Variants in MORC1 observed in about 807,000 individuals in gnomAD.
MORC1 encodes MORC family CW-type zinc finger protein 1.
Under a neutral mutation model 134.9 loss-of-function variants are expected in MORC1, and 59 were observed. That is an observed-to-expected ratio of 0.44 (90% confidence interval 0.35 to 0.54). The LOEUF (loss-of-function observed/expected upper bound fraction) is 0.54, where lower values mean the gene tolerates loss of function less well. Ranked by LOEUF, MORC1 falls within the 20% of genes least tolerant of loss-of-function variation. The pLI is 0.00. For synonymous variants in MORC1, 395 were observed against 391.7 expected, an observed-to-expected ratio of 1.01 and a Z score of -0.10; for missense variants, 947 against 1,134.5, an observed-to-expected ratio of 0.83 and a Z score of 2.37.
chr3:109,008,413 A>T (rs919859990), intron 17 of MORC1, among the ~76,000 whole-genome samples: 3 of 150,482 alleles, frequency 2.0e-5, no homozygotes, highest in African/African-American at 7.4e-5. Context: ...GAAGAGAAAT[A>T]CATACTTACA....
At chr3:108,979,187 C>T (rs1947643902) in intron 24 of MORC1, among the ~76,000 whole-genome samples, 1 of 152,006 alleles carries the variant, frequency 6.6e-6, no homozygotes, top group Non-Finnish European at 1.5e-5. Flanking sequence ...AAAAAAAACC[C>T]AGAGTTTTTA....
chr3:109,100,390 A>G, intron 5 of MORC1, 27 bp downstream of exon 5: 2 of 1,511,210 alleles, frequency 1.3e-6, no homozygotes, highest in African/African-American at 2.8e-5. Flanking sequence ...TCAATAATAT[A>G]TGTCTTAAGG....
intron 14 of MORC1, among the ~76,000 whole-genome samples, chr3:109,050,042 G>A (rs903837978): frequency 2.0e-5 from 3 of 152,046 alleles, no homozygotes; most frequent in Non-Finnish European, 4.4e-5. Context: ...AAAAGCTTTA[G>A]GCCTATCCTC....
chr3:109,008,282 C>T (rs1301517233), intron 17 of MORC1, among the ~76,000 whole-genome samples: 1 of 152,068 alleles, frequency 6.6e-6, no homozygotes, highest in African/African-American at 2.4e-5. Context: ...CCAAAAGTGA[C>T]ATTTCTGGGT....
At chr3:109,027,479 T>C (rs999769469) in intron 17 of MORC1, among the ~76,000 whole-genome samples, 26 of 152,176 alleles carry the variant, frequency 1.7e-4, no homozygotes, top group African/African-American at 6.0e-4. Context: ...TATAAGGTTC[T>C]ATGTGCAGCT....
intron 6 of MORC1, among the ~76,000 whole-genome samples, chr3:109,095,429 T>C (rs941971215): frequency 1.3e-5 from 2 of 152,180 alleles, no homozygotes; most frequent in African/African-American, 2.4e-5. Context: ...CCAGCCTGAC[T>C]TGCAATTCAG....
At chr3:109,021,058 G>C (rs1559898109) in intron 17 of MORC1, among the ~76,000 whole-genome samples, 1 of 152,202 alleles carries the variant, frequency 6.6e-6, no homozygotes, top group Non-Finnish European at 1.5e-5. Flanking sequence ...CTGGTGCCCA[G>C]AGGGTACAGG....
At chr3:109,108,073 C>T (rs1340907360) in intron 3 of MORC1, among the ~76,000 whole-genome samples, 1 of 152,014 alleles carries the variant, frequency 6.6e-6, no homozygotes, top group Non-Finnish European at 1.5e-5. Flanking sequence ...CCTGTAATCC[C>T]AGCTACTGGA....
intron 17 of MORC1, among the ~76,000 whole-genome samples, chr3:109,025,379 CTTTTTTTTTTTT>C (rs63701060): frequency 1.9e-5 from 2 of 105,100 alleles, no homozygotes; most frequent in African/African-American, 7.4e-5. Context: ...TTTCTTTTTT[CTTTTTTTTTTTT>C]TTTTTTTTTT....
chr3:109,093,358 A>G, intron 8 of MORC1, 78 bp downstream of exon 8: 16 of 1,083,398 alleles, frequency 1.5e-5, no homozygotes, highest in Non-Finnish European at 2.2e-5. Context: ...GTGACCTCAG[A>G]CCTGGAGCCA....
chr3:109,014,309 T>C (rs1392926807), intron 17 of MORC1, among the ~76,000 whole-genome samples: 5 of 152,234 alleles, frequency 3.3e-5, no homozygotes, highest in Admixed American at 3.3e-4. Context: ...ATTATTTGTT[T>C]TTATCTGTAG....
chr3:109,049,044 TAA>T, intron 14 of MORC1: 18 of 703,548 alleles, frequency 2.6e-5, no homozygotes, highest in Non-Finnish European at 3.1e-5. Flanking sequence ...AAAACTGAAT[TAA>T]AAAGATATGA....
At position 108,958,511 on chromosome 3, in the gene MORC1, A is replaced by G. The variant is rs1198977663; in HGVS notation, c.*454T>C. 6.6e-6 allele frequency: 1 copy of G among 152,120 alleles called. No individual in the cohort carries two copies. Among genetic ancestry groups the G allele is most frequent in the Non-Finnish European group, 1.5e-5 (1 of 68,014 alleles). 9.4% of individuals were successfully genotyped at this position (152,120 alleles called of 1,614,324 possible). On this transcript the variant is annotated 3_prime_UTR_variant, in exon 28 of 28. Transcript: ENST00000232603. ...TTCTGCTTGACTGAGTGTTGGCTAT[A>G]GTGGAGAAAGGGCATAATGTCTTTC...
intron 3 of MORC1, among the ~76,000 whole-genome samples, chr3:109,108,166 G>T (rs1245911197): frequency 6.6e-6 from 1 of 152,132 alleles, no homozygotes; most frequent in Non-Finnish European, 1.5e-5. Flanking sequence ...TCCAGCCTGG[G>T]CAACAGAGTG....
intron 14 of MORC1, among the ~76,000 whole-genome samples, chr3:109,042,160 A>G (rs1949569656): frequency 6.6e-6 from 1 of 152,202 alleles, no homozygotes; most frequent in Admixed American, 6.5e-5. Context: ...GGTGGGAAGT[A>G]AAATGGTGTG....
At chr3:109,108,359 A>G (rs541456233) in intron 3 of MORC1, among the ~76,000 whole-genome samples, 1 of 152,304 alleles carries the variant, frequency 6.6e-6, no homozygotes, top group African/African-American at 2.4e-5. Context: ...TTCTGATTAC[A>G]TTTGTTATAT....
At chr3:109,051,953 G>T (rs962397800) in intron 14 of MORC1, among the ~76,000 whole-genome samples, 2 of 152,066 alleles carry the variant, frequency 1.3e-5, no homozygotes, top group Non-Finnish European at 2.9e-5. Context: ...GACCTAGATG[G>T]AAATAATTTT....
At chr3:109,109,847 C>G (rs992711914) in intron 3 of MORC1, 3 of 152,362 alleles carry the variant, frequency 2.0e-5, no homozygotes, top group Non-Finnish European at 2.9e-5. Flanking sequence ...CTCCACTGGG[C>G]GGGTGAGTCC....
At chr3:109,087,166 T>C (rs904080850) in intron 8 of MORC1, among the ~76,000 whole-genome samples, 2 of 70,816 alleles carry the variant, frequency 2.8e-5, no homozygotes, top group African/African-American at 9.5e-5. Flanking sequence ...GAACAGGTGC[T>C]GAACCACCTG....
Sources: allele counts gnomAD v4.1 joint callset (sites outside exome capture counted in the v4.1 genomes callset), GRCh38; gene constraint gnomAD v4.1.1; transcripts MANE v1.5; gene names NCBI Gene and HGNC (gene_info 2026-07-23, HGNC 2026-07-21).